Variants in TCF12 observed in about 807,000 individuals in gnomAD.
The protein encoded by TCF12 is transcription factor 12, also known as DNA-binding protein HTF4.
TCF12 carries 45 observed loss-of-function variants against 86.0 expected under a neutral mutation model. The observed-to-expected ratio is 0.52, with a 90% CI of 0.41 to 0.67. The LOEUF (loss-of-function observed/expected upper bound fraction) is 0.67. Among genes scored for constraint, TCF12 ranks in the 30% least tolerant of loss-of-function variants. The pLI is 0.00. For synonymous variants in TCF12, 330 were observed against 299.6 expected (o/e 1.10, Z -1.05); for missense variants, 881 against 859.9 (o/e 1.02, Z -0.31).
At chr15:57,149,623 G>T (rs1200442568) in intron 5 of TCF12, among the ~76,000 whole-genome samples, 1 of 152,162 alleles carries the variant, frequency 6.6e-6, no homozygotes, top group Admixed American at 6.5e-5. Context: ...TTTTTAGATT[G>T]TCCAAGAGTT....
At chr15:56,948,052 A>C (rs891366619) in intron 3 of TCF12, among the ~76,000 whole-genome samples, 16 of 152,248 alleles carry the variant, frequency 1.1e-4, no homozygotes, top group South Asian at 6.2e-4. Flanking sequence ...CACTTTTGTA[A>C]GGGTTATTAA....
rs1567371004 is a variant in TCF12 at position 57,075,824 on chromosome 15, C to CTTT, written c.222+12002_222+12003insTTT. Among the ~76,000 whole-genome samples the CTTT allele has an allele frequency of 7.0e-3, 372 of 52,878 alleles. 8 individuals are homozygous for CTTT. Among genetic ancestry groups the CTTT allele is most frequent in the African/African-American group, 0.011 (139 of 12,450 alleles). The allele number at this position is 52,878 out of a possible 152,430, so 34.7% of individuals were successfully genotyped here. On this transcript the variant is annotated intron_variant, in intron 4 of 20. Coordinates refer to ENST00000333725, the MANE Select transcript of TCF12 (RefSeq NM_207037.2). Reference sequence around the variant, plus strand: ...TTTCTTTCTCTCTCTCTCTCTCTCTCTCTCTCTCTCTTTTCTTTCTTTCTT... The same window carrying CTTT: ...TTTCTTTCTCTCTCTCTCTCTCTCTCTTTTCTCTCTCTCTTTTCTTTCTTTCTT...
intron 8 of TCF12, among the ~76,000 whole-genome samples, chr15:57,224,418 A>G (rs1219384234): frequency 7.9e-5 from 12 of 152,238 alleles, no homozygotes; most frequent in African/African-American, 2.9e-4. Context: ...ATTTAAGATT[A>G]ACTAAAATGT....
intron 3 of TCF12, among the ~76,000 whole-genome samples, chr15:57,048,584 G>T (rs992133605): frequency 6.6e-6 from 1 of 152,098 alleles, no homozygotes; most frequent in Non-Finnish European, 1.5e-5. Flanking sequence ...TTTTAATTGT[G>T]GTGGAGGACT....
chr15:56,953,828 C>G (rs1333443262), intron 3 of TCF12, among the ~76,000 whole-genome samples: 2 of 129,328 alleles, frequency 1.5e-5, no homozygotes, highest in African/African-American at 3.2e-5. Flanking sequence ...AAAAGTTTAT[C>G]AGTTTTTTTT....
intron 9 of TCF12, among the ~76,000 whole-genome samples, chr15:57,231,666 A>G (rs1435972091): frequency 1.2e-4 from 18 of 152,166 alleles, no homozygotes; most frequent in Non-Finnish European, 1.5e-5. Flanking sequence ...TAAGAGAGAA[A>G]AAGTGTTGCA....
chr15:57,027,289 C>T (rs1421949583), intron 3 of TCF12, among the ~76,000 whole-genome samples: 1 of 152,114 alleles, frequency 6.6e-6, no homozygotes, highest in Admixed American at 6.5e-5. Context: ...TACCTTTGGC[C>T]TGTTGTAGAA....
chr15:57,192,296 G>T lies in TCF12; in HGVS notation c.526+3G>T. ...ACTCCATGACTCTGCAGCGCTTGGT[G>T]AGTGTATCACACAACAAATCCCATC... On this transcript the variant is annotated splice_donor_region_variant and intron_variant, in intron 7 of 20. Transcript: ENST00000333725. 1 of 1,613,722 alleles carries T rather than the reference G, an allele frequency of 6.2e-7. No individual in the cohort carries two copies. Among genetic ancestry groups the T allele is most frequent in the Non-Finnish European group, 8.5e-7 (1 of 1,179,876 alleles).
At chr15:57,144,463 A>G (rs1452535585) in intron 5 of TCF12, among the ~76,000 whole-genome samples, 1 of 152,262 alleles carries the variant, frequency 6.6e-6, no homozygotes, top group Non-Finnish European at 1.5e-5. Flanking sequence ...GTAAACAAGT[A>G]GCATTTAATT....
At chr15:57,014,285 G>C (rs1453109574) in intron 3 of TCF12, among the ~76,000 whole-genome samples, 1 of 152,156 alleles carries the variant, frequency 6.6e-6, no homozygotes, top group Non-Finnish European at 1.5e-5. Flanking sequence ...TTTGCACCCT[G>C]ATGATGGTAT....
chr15:57,076,711 C>T (rs1218318419), intron 4 of TCF12, among the ~76,000 whole-genome samples: 1 of 151,790 alleles, frequency 6.6e-6, no homozygotes, highest in Non-Finnish European at 1.5e-5. Flanking sequence ...AGAATTCCCT[C>T]GATATTACTT....
intron 5 of TCF12, among the ~76,000 whole-genome samples, chr15:57,102,234 G>A (rs1596534250): frequency 6.6e-6 from 1 of 152,306 alleles, no homozygotes; most frequent in East Asian, 1.9e-4. Context: ...ACATTTGCCA[G>A]TCTTGCTCTA....
intron 3 of TCF12, among the ~76,000 whole-genome samples, chr15:57,009,823 G>C (rs1020832247): frequency 1.3e-5 from 2 of 152,140 alleles, no homozygotes; most frequent in African/African-American, 4.8e-5. Context: ...CCAAGTCGAA[G>C]TTAAACATTT....
chr15:56,918,385 C>G (rs1213482903), upstream of TCF12: 3 of 373,720 alleles, frequency 8.0e-6, no homozygotes, highest in African/African-American at 2.1e-5. Flanking sequence ...CCAGGAGGCC[C>G]GGACGAGGCT....
At chr15:57,270,073 C>G (rs1489740205) in intron 18 of TCF12, among the ~76,000 whole-genome samples, 1 of 152,054 alleles carries the variant, frequency 6.6e-6, no homozygotes, top group Non-Finnish European at 1.5e-5. Flanking sequence ...TTGTGGTGTT[C>G]TCTGTATTTC....
intron 5 of TCF12, among the ~76,000 whole-genome samples, chr15:57,145,217 A>G (rs1458534658): frequency 6.6e-6 from 1 of 152,136 alleles, no homozygotes. Context: ...ATTGGGAGAA[A>G]GGCAATCTAA....
Position 57,253,333 on chromosome 15 carries a change from A to T in TCF12, c.1332A>T (p.Gly444=), listed in dbSNP as rs549892756. ...AIHVLRNHAV[G]PSTSLPAGHS... is the part of the protein sequence containing the mutation. ...ATGTGCTGCGGAACCATGCTGTGGG[A>T]CCTTCCACCAGTTTGCCTGCTGGTC... The change falls in exon 16 of 21, where the codon GGA becomes GGT. Residue 444 remains glycine (G), a synonymous_variant. Transcript: ENST00000333725. 440 of 1,614,016 alleles carry T rather than the reference A, an allele frequency of 2.7e-4. 9 individuals are homozygous for T. The South Asian group carries it at 4.6e-3, about 17-fold the overall frequency.
intron 5 of TCF12, among the ~76,000 whole-genome samples, chr15:57,154,927 C>T (rs1437043737): frequency 6.6e-6 from 1 of 152,052 alleles, no homozygotes; most frequent in Non-Finnish European, 1.5e-5. Context: ...AAAATAATAA[C>T]TAAAATTTAA....
rs74016149 is a variant in TCF12 at position 57,282,206 on chromosome 15, T to A, written c.1979-239T>A. On this transcript the variant is annotated intron_variant, in intron 19 of 20. Coordinates refer to ENST00000333725, the MANE Select transcript of TCF12 (RefSeq NM_207037.2). ...GAGTAGCATTTTGATTTAAATCAAA[T>A]CAAACCCTAGAAAACTAAATCATAA... 2,210 of 532,102 alleles carry A rather than the reference T, an allele frequency of 4.2e-3. 33 individuals carry two copies. The highest frequency in any genetic ancestry group is 0.038 in the African/African-American group (2,015 of 52,410). The allele number at this position is 532,102 out of a possible 1,614,324, so 33.0% of individuals were successfully genotyped here. A position where few individuals can be genotyped will look rare whatever the true frequency, so the allele number is the denominator to read the frequency against.
Sources: gnomAD v4.1 joint callset for allele counts (sites outside exome capture counted in the v4.1 genomes callset) on GRCh38, gnomAD v4.1.1 for gene constraint, MANE v1.5 for transcripts, NCBI Gene and HGNC (gene_info 2026-07-23, HGNC 2026-07-21) for gene names.